Variants in VPS50 observed in about 807,000 individuals in gnomAD.
VPS50 encodes syndetin.
VPS50 carries 70 observed loss-of-function variants against 139.7 expected under a neutral mutation model. The ratio of observed to expected loss-of-function variants is 0.50; its 90% CI spans 0.41 to 0.61. The LOEUF (loss-of-function observed/expected upper bound fraction) is 0.61, where lower values mean the gene tolerates loss of function less well. Among genes scored for constraint, VPS50 ranks in the 20% least tolerant of loss-of-function variants. VPS50 has a pLI of 0.00. For missense variants in VPS50, 921 were observed against 1,133.7 expected (o/e 0.81, Z 2.69); for synonymous variants, 365 against 376.7 (o/e 0.97, Z 0.36).
At chr7:93,316,011 A>T (rs1165766082) in intron 20 of VPS50, among the ~76,000 whole-genome samples, 1 of 152,212 alleles carries the variant, frequency 6.6e-6, no homozygotes, top group Non-Finnish European at 1.5e-5. Context: ...AAAAGAGGCA[A>T]GAGAAAGAAT....
At chr7:93,303,596 T>G (rs1797039542) in intron 17 of VPS50, 46 bp downstream of exon 17, 1 of 790,920 alleles carries the variant, frequency 1.3e-6, no homozygotes, top group Admixed American at 2.5e-5. Context: ...TAGTAATGTA[T>G]TTTACCCTTT....
chr7:93,233,849 A>G (rs993049977), intron 1 of VPS50, among the ~76,000 whole-genome samples: 1 of 152,198 alleles, frequency 6.6e-6, no homozygotes, highest in Non-Finnish European at 1.5e-5. Context: ...AGTTAGCCTG[A>G]TAGTGGTGTT....
chr7:93,258,465 G>A lies in VPS50; in HGVS notation c.576+73G>A, dbSNP rs1795559863. On this transcript the variant is annotated intron_variant, in intron 8 of 27. Transcript: ENST00000305866. Reference sequence around the variant, plus strand: ...ACAGTAAAGCAGACAAAATTCAGAAGTGCATTTTTCTCAAATGGGTTTATG... The same window carrying A: ...ACAGTAAAGCAGACAAAATTCAGAAATGCATTTTTCTCAAATGGGTTTATG... 5 of 1,166,938 alleles carry A rather than the reference G, an allele frequency of 4.3e-6. No individual in the cohort carries two copies. The Admixed American group carries it at 9.8e-5, about 23-fold the overall frequency. 72.3% of individuals were successfully genotyped at this position (1,166,938 alleles called of 1,614,324 possible).
chr7:93,347,943 T>C (rs1222685242), intron 23 of VPS50, among the ~76,000 whole-genome samples: 3 of 151,714 alleles, frequency 2.0e-5, no homozygotes, highest in Non-Finnish European at 2.9e-5. Context: ...AACCTGCACA[T>C]TGTGCACATG....
chr7:93,329,114 C>G (rs1051918232), intron 21 of VPS50, among the ~76,000 whole-genome samples: 1 of 152,114 alleles, frequency 6.6e-6, no homozygotes, highest in Admixed American at 6.5e-5. Context: ...AGCACCAAAT[C>G]AATCTAGTTT....
At chr7:93,262,954 G>A (rs1046935269) in intron 9 of VPS50, among the ~76,000 whole-genome samples, 4 of 152,126 alleles carry the variant, frequency 2.6e-5, no homozygotes, top group African/African-American at 7.2e-5. Flanking sequence ...TGTGGGTCAC[G>A]TTGAGTCCAC....
chr7:93,331,782 C>T (rs10237108), intron 21 of VPS50, among the ~76,000 whole-genome samples: 12,781 of 151,948 alleles, frequency 0.084, 575 homozygotes, highest in East Asian at 0.18. Context: ...GGTAGAAATA[C>T]GAAAAGGCAA....
rs753545696 is a variant in VPS50 at position 93,334,102 on chromosome 7, C to T, written c.1978-15C>T. ...TGATCTTTAGAACGATATAACAAGC[C>T]TTTTTCTTTTTCAGTTGGAATCAAC... On this transcript the variant is annotated splice_polypyrimidine_tract_variant and intron_variant, in intron 21 of 27. Coordinates refer to ENST00000305866, the MANE Select transcript of VPS50 (RefSeq NM_017667.4). The T allele has an allele frequency of 2.4e-5, 35 of 1,454,132 alleles. No homozygotes were observed. The South Asian group carries it at 4.0e-4, about 17-fold the overall frequency. 90.1% of individuals were successfully genotyped at this position (1,454,132 alleles called of 1,614,324 possible). A position where few individuals can be genotyped will look rare whatever the true frequency, so the allele number is the denominator to read the frequency against.
chr7:93,342,825 C>T (rs1798263250), intron 23 of VPS50, among the ~76,000 whole-genome samples: 1 of 152,200 alleles, frequency 6.6e-6, no homozygotes, highest in Admixed American at 6.5e-5. Flanking sequence ...ACCAAAAACC[C>T]ATCTGTACAT....
chr7:93,247,162 A>G (rs536231839), intron 2 of VPS50, among the ~76,000 whole-genome samples: 3 of 151,970 alleles, frequency 2.0e-5, no homozygotes, highest in Non-Finnish European at 4.4e-5. Context: ...GGAAAAACAC[A>G]GCCTCTAAAA....
intron 1 of VPS50, among the ~76,000 whole-genome samples, chr7:93,235,731 A>G (rs2116759706): frequency 6.6e-6 from 1 of 152,310 alleles, no homozygotes; most frequent in Middle Eastern, 3.4e-3. Context: ...GAGGGAAGGG[A>G]CATGGTTTTT....
chr7:93,294,352 A>G (rs532708192), intron 13 of VPS50, among the ~76,000 whole-genome samples, 193 bp from the exon 14 acceptor site: 2 of 152,224 alleles, frequency 1.3e-5, no homozygotes, highest in African/African-American at 2.4e-5. Context: ...TTCATAGTCT[A>G]CGTTTATTTG....
intron 12 of VPS50, among the ~76,000 whole-genome samples, chr7:93,277,854 T>C (rs1318201803): frequency 6.6e-6 from 1 of 152,102 alleles, no homozygotes; most frequent in African/African-American, 2.4e-5. Context: ...TATATGTTCT[T>C]ACTTTGATAG....
rs757022059 is a variant in VPS50, at chr7:93,334,105, T to C, written c.1978-12T>C. 8 of 1,497,506 alleles carry C rather than the reference T, an allele frequency of 5.3e-6. No homozygotes were observed. The East Asian group carries it at 1.4e-4, about 25-fold the overall frequency. 92.8% of individuals were successfully genotyped at this position (1,497,506 alleles called of 1,614,324 possible). On this transcript the variant is annotated splice_polypyrimidine_tract_variant and intron_variant, in intron 21 of 27. Transcript: ENST00000305866. ...TCTTTAGAACGATATAACAAGCCTT[T>C]TTCTTTTTCAGTTGGAATCAACTGG...
At position 93,252,621 on chromosome 7, in the gene VPS50, A is replaced by G. The variant is rs762192230; in HGVS notation, c.103-32A>G. ...TGCAGATATAATTTTAACAGCTACA[A>G]TTACTATAATTGTGATTTTTTTTTC... On this transcript the variant is annotated intron_variant, in intron 2 of 27. Transcript: ENST00000305866. 1.4e-5 allele frequency: 20 copies of G among 1,479,104 alleles called. No individual in the cohort carries two copies. The Admixed American group carries it at 2.4e-4, about 18-fold the overall frequency. The allele number at this position is 1,479,104 out of a possible 1,614,324, so 91.6% of individuals were successfully genotyped here. A position where few individuals can be genotyped will look rare whatever the true frequency, so the allele number is the denominator to read the frequency against.
At chr7:93,233,407 G>A (rs1235888771) in intron 1 of VPS50, among the ~76,000 whole-genome samples, 1 of 152,144 alleles carries the variant, frequency 6.6e-6, no homozygotes, top group South Asian at 2.1e-4. Flanking sequence ...GAAGGTAATC[G>A]TTTAGTGAAA....
chr7:93,305,280 C>T (rs946908147), intron 17 of VPS50, among the ~76,000 whole-genome samples: 2 of 151,916 alleles, frequency 1.3e-5, no homozygotes, highest in East Asian at 1.9e-4. Context: ...GTAGAAGACA[C>T]ATCATATGAC....
intron 23 of VPS50, among the ~76,000 whole-genome samples, chr7:93,347,614 G>T (rs1350108743): frequency 7.0e-6 from 1 of 143,372 alleles, no homozygotes; most frequent in Non-Finnish European, 1.5e-5. Flanking sequence ...AAGAAAATGT[G>T]GCACATATAC....
At chr7:93,233,792 G>C (rs568995234) in intron 1 of VPS50, among the ~76,000 whole-genome samples, 1 of 152,294 alleles carries the variant, frequency 6.6e-6, no homozygotes, top group East Asian at 1.9e-4. Context: ...ACGTTTTTAA[G>C]CATCTATTTC....
Sources: gnomAD v4.1 joint callset for allele counts (sites outside exome capture counted in the v4.1 genomes callset) on GRCh38, gnomAD v4.1.1 for gene constraint, MANE v1.5 for transcripts, NCBI Gene and HGNC (gene_info 2026-07-23, HGNC 2026-07-21) for gene names.